Variants in EDIL3 observed in about 807,000 individuals in gnomAD.
EDIL3 encodes the protein EGF like and discoidin domains 3.
A neutral mutation model predicts 67.4 loss-of-function variants in EDIL3; 37 were observed. That is an observed-to-expected ratio of 0.55 (90% CI 0.42 to 0.72). The LOEUF is 0.72. EDIL3 is among the 30% of genes least tolerant of loss of function. The pLI is 0.00. For missense variants in EDIL3, 527 were observed against 586.3 expected (o/e 0.90, Z 1.04); for synonymous variants, 195 against 196.3 (o/e 0.99, Z 0.05).
At position 84,180,373 on chromosome 5, in the gene EDIL3, A is replaced by C; in HGVS notation, c.355+20T>G. 6.4e-7 allele frequency: 1 copy of C among 1,568,314 alleles called. No homozygotes were observed. Among genetic ancestry groups the C allele is most frequent in the Non-Finnish European group, 8.6e-7 (1 of 1,161,360 alleles). On this transcript the variant is annotated intron_variant, in intron 4 of 10. Coordinates refer to ENST00000296591, the MANE Select transcript of EDIL3 (RefSeq NM_005711.5). ...TTGTAATCAATAATAATAAAAGTAC[A>C]ATGACTATGAATAACTTACTGTGCT...
At chr5:83,994,158 C>T (rs189593639) in intron 9 of EDIL3, among the ~76,000 whole-genome samples, 1 of 152,240 alleles carries the variant, frequency 6.6e-6, no homozygotes, top group East Asian at 1.9e-4. Flanking sequence ...CTTTATGATG[C>T]AAACAGTTCT....
intron 1 of EDIL3, among the ~76,000 whole-genome samples, chr5:84,299,244 A>C (rs1475652504): frequency 6.6e-6 from 1 of 152,202 alleles, no homozygotes; most frequent in African/African-American, 2.4e-5. Flanking sequence ...TTTTTAAAAA[A>C]ATGATATAGG....
At chr5:84,047,620 T>C (rs567147274) in intron 9 of EDIL3, 2 of 152,218 alleles carry the variant, frequency 1.3e-5, no homozygotes, top group South Asian at 2.1e-4. Flanking sequence ...CGTCCAGTCA[T>C]GATTTAGACA....
chr5:84,046,177 G>GTA (rs1483433435), intron 9 of EDIL3, among the ~76,000 whole-genome samples: 9 of 152,148 alleles, frequency 5.9e-5, no homozygotes, highest in Admixed American at 5.2e-4. Context: ...GTATGTGTGT[G>GTA]TATCCAATGC....
chr5:83,970,011 T>G (rs1481491729), intron 9 of EDIL3, among the ~76,000 whole-genome samples: 1 of 151,592 alleles, frequency 6.6e-6, no homozygotes, highest in Non-Finnish European at 1.5e-5. Context: ...GCTGTAATCT[T>G]ATTTCCTTTA....
At chr5:83,994,724 T>C (rs1745208071) in intron 9 of EDIL3, among the ~76,000 whole-genome samples, 1 of 152,168 alleles carries the variant, frequency 6.6e-6, no homozygotes, top group Non-Finnish European at 1.5e-5. Context: ...ATATACTAGG[T>C]GTATTTCCAC....
chr5:84,360,257 G>A (rs1747568924), intron 1 of EDIL3, among the ~76,000 whole-genome samples: 1 of 152,118 alleles, frequency 6.6e-6, no homozygotes. Flanking sequence ...GATTTTATGA[G>A]GTCAAAGAAC....
intron 9 of EDIL3, among the ~76,000 whole-genome samples, chr5:83,969,291 C>T (rs1438733984): frequency 6.6e-6 from 1 of 151,750 alleles, no homozygotes; most frequent in African/African-American, 2.4e-5. Context: ...AACATTCCCA[C>T]ACAATCATAG....
intron 1 of EDIL3, among the ~76,000 whole-genome samples, chr5:84,302,624 T>C (rs1213730065): frequency 2.0e-5 from 3 of 152,146 alleles, no homozygotes; most frequent in African/African-American, 7.2e-5. Flanking sequence ...ATGGAACCCT[T>C]ATAGCCTTAC....
chr5:84,372,621 G>A (rs1352658906), intron 1 of EDIL3, among the ~76,000 whole-genome samples: 2 of 152,156 alleles, frequency 1.3e-5, no homozygotes, highest in South Asian at 4.1e-4. Context: ...GAATTCTTCC[G>A]TGGATTTGGG....
At chr5:84,296,593 G>C (rs1449692442) in intron 1 of EDIL3, among the ~76,000 whole-genome samples, 1 of 152,160 alleles carries the variant, frequency 6.6e-6, no homozygotes, top group Non-Finnish European at 1.5e-5. Context: ...GAGAAGTTCA[G>C]GTTGATGTTT....
intron 9 of EDIL3, among the ~76,000 whole-genome samples, chr5:84,035,132 G>C (rs896631029): frequency 6.6e-6 from 1 of 151,922 alleles, no homozygotes; most frequent in Admixed American, 6.6e-5. Context: ...ATTCTCACTA[G>C]TATTAGTCCT....
At chr5:84,009,038 C>T (rs1580277179) in intron 9 of EDIL3, among the ~76,000 whole-genome samples, 2 of 152,162 alleles carry the variant, frequency 1.3e-5, no homozygotes, top group Non-Finnish European at 2.9e-5. Flanking sequence ...TCTTAAACTC[C>T]TGGTTTCCAG....
intron 1 of EDIL3, among the ~76,000 whole-genome samples, chr5:84,340,432 T>C (rs1421128035): frequency 6.8e-6 from 1 of 146,318 alleles, no homozygotes; most frequent in Admixed American, 6.9e-5. Flanking sequence ...ATGTAAATAA[T>C]TAGAACAGAG....
chr5:84,175,707 A>G (rs1395962787), intron 4 of EDIL3, among the ~76,000 whole-genome samples: 5 of 152,190 alleles, frequency 3.3e-5, no homozygotes, highest in African/African-American at 9.6e-5. Flanking sequence ...ACTCAGGTCC[A>G]ACCAGAATTC....
At position 84,319,200 on chromosome 5, in the gene EDIL3, C is replaced by T. The variant is rs542943541; in HGVS notation, c.68-64988G>A. On this transcript the variant is annotated intron_variant, in intron 1 of 10. Transcript: ENST00000296591. ...AGAAATAGGAATGCTTGGCCGGGCG[C>T]GGTGGCTCACGCCTGTAATCCCAGC... Among the ~76,000 whole-genome samples, 9 of 56,942 alleles carry T rather than the reference C, an allele frequency of 1.6e-4. 1 individual carries two copies. The South Asian group carries it at 2.8e-3, about 18-fold the overall frequency. The allele number at this position is 56,942 out of a possible 152,430, so 37.4% of individuals were successfully genotyped here. A position where few individuals can be genotyped will look rare whatever the true frequency, so the allele number is the denominator to read the frequency against.
At chr5:84,349,295 T>A (rs1279030502) in intron 1 of EDIL3, among the ~76,000 whole-genome samples, 2 of 152,138 alleles carry the variant, frequency 1.3e-5, no homozygotes, top group African/African-American at 2.4e-5. Flanking sequence ...CCATGTGTGT[T>A]CTCTGGCCCT....
chr5:84,069,783 T>C (rs1746703985), intron 6 of EDIL3, among the ~76,000 whole-genome samples: 1 of 151,810 alleles, frequency 6.6e-6, no homozygotes, highest in Admixed American at 6.6e-5. Context: ...CAAACACTAG[T>C]GTTTTCATGC....
At chr5:83,997,100 C>G (rs138998332) in intron 9 of EDIL3, among the ~76,000 whole-genome samples, 179 of 152,104 alleles carry the variant, frequency 1.2e-3, no homozygotes, top group Middle Eastern at 0.01. Context: ...GGCAGAAGAA[C>G]AGGGTTTAAT....
Sources: allele counts gnomAD v4.1 joint callset (sites outside exome capture counted in the v4.1 genomes callset), GRCh38; gene constraint gnomAD v4.1.1; transcripts MANE v1.5; gene names NCBI Gene and HGNC (gene_info 2026-07-23, HGNC 2026-07-21).